Variants in POU6F2 observed in about 807,000 individuals in gnomAD.
POU6F2 encodes POU class 6 homeobox 2.
A neutral mutation model predicts 71.3 loss-of-function variants in POU6F2; 31 were observed. That is an observed-to-expected ratio of 0.43 (90% CI 0.33 to 0.59). The LOEUF is 0.59. Among genes scored for constraint, POU6F2 ranks in the 20% least tolerant of loss-of-function variants. The probability of loss-of-function intolerance (pLI) is 0.04; values close to 1 mark genes in which losing one functional copy is unlikely to be tolerated. For missense variants in POU6F2, 783 were observed against 856.8 expected, an observed-to-expected ratio of 0.91 and a Z score of 1.07; for synonymous variants, 347 against 355.7, an observed-to-expected ratio of 0.98 and a Z score of 0.27.
chr7:39,036,664 A>AT (rs1790071593), intron 1 of POU6F2, among the ~76,000 whole-genome samples: 1 of 143,262 alleles, frequency 7.0e-6, no homozygotes, highest in East Asian at 2.0e-4. Context: ...TCTGACATAG[A>AT]TTTAAAAAAA....
chr7:39,224,717 AC>A (rs1409304339), intron 4 of POU6F2, among the ~76,000 whole-genome samples: 2 of 149,404 alleles, frequency 1.3e-5, no homozygotes, highest in East Asian at 3.9e-4. Flanking sequence ...AAAAACAATT[AC>A]CCCACACCAG....
intron 1 of POU6F2, among the ~76,000 whole-genome samples, chr7:38,995,266 G>T (rs1208202585): frequency 6.6e-6 from 1 of 152,134 alleles, no homozygotes; most frequent in African/African-American, 2.4e-5. Flanking sequence ...AACTTAATTA[G>T]AAAAGATATT....
At chr7:39,452,816 G>A (rs1788693377) in intron 8 of POU6F2, among the ~76,000 whole-genome samples, 1 of 152,212 alleles carries the variant, frequency 6.6e-6, no homozygotes, top group African/African-American at 2.4e-5. Flanking sequence ...AGGTAGGCCG[G>A]GCACAGTGGC....
chr7:39,028,757 T>G (rs1227865247), intron 1 of POU6F2, among the ~76,000 whole-genome samples: 1 of 152,156 alleles, frequency 6.6e-6, no homozygotes, highest in Non-Finnish European at 1.5e-5. Context: ...ATAGTTCTCT[T>G]TGTACAGATA....
At chr7:39,064,578 C>G (rs192568776) in intron 1 of POU6F2, among the ~76,000 whole-genome samples, 14 of 151,646 alleles carry the variant, frequency 9.2e-5, no homozygotes, top group Non-Finnish European at 1.6e-4. Flanking sequence ...AATAATAAAA[C>G]TACAAAAACA....
chr7:39,118,267 CCTT>C (rs750658697), intron 2 of POU6F2, among the ~76,000 whole-genome samples: 19 of 152,026 alleles, frequency 1.2e-4, no homozygotes, highest in Non-Finnish European at 2.6e-4. Flanking sequence ...TTTTTAGTGT[CCTT>C]CTTTTAAATA....
intron 4 of POU6F2, among the ~76,000 whole-genome samples, chr7:39,209,622 T>C (rs1794098286): frequency 6.6e-6 from 1 of 152,102 alleles, no homozygotes; most frequent in South Asian, 2.1e-4. Flanking sequence ...AGGATGGTAA[T>C]CAGGAAAGTC....
rs1789115374 is a variant in POU6F2, at chr7:39,468,133, G to T, written c.*3447G>T. The T allele has an allele frequency of 6.6e-6, 1 of 151,352 alleles. No homozygotes were observed. Among genetic ancestry groups the T allele is most frequent in the Non-Finnish European group, 1.5e-5 (1 of 67,878 alleles). 9.4% of individuals were successfully genotyped at this position (151,352 alleles called of 1,614,324 possible). A position where few individuals can be genotyped will look rare whatever the true frequency, so the allele number is the denominator to read the frequency against. On this transcript the variant is annotated 3_prime_UTR_variant, in exon 10 of 10. Coordinates refer to ENST00000518318, the MANE Select transcript of POU6F2 (RefSeq NM_001370959.1). ...TAATGAGCTTTTTGTCATGTGATTTGCTTGTCTTCAACTTGAAATTATGTG... is the reference window on the plus strand; with the variant it reads ...TAATGAGCTTTTTGTCATGTGATTTTCTTGTCTTCAACTTGAAATTATGTG...
intron 1 of POU6F2, among the ~76,000 whole-genome samples, chr7:39,051,465 T>C (rs568549853): frequency 2.0e-4 from 30 of 152,228 alleles, no homozygotes; most frequent in African/African-American, 7.2e-4. Flanking sequence ...GGCACTGAGG[T>C]ATGTGATAGG....
At chr7:39,015,700 T>TATAACATAGATATA (rs1554308029) in intron 1 of POU6F2, among the ~76,000 whole-genome samples, 7,169 of 84,440 alleles carry the variant, frequency 0.085, 685 homozygotes, top group Non-Finnish European at 0.098. Context: ...CTATATATTA[T>TATAACATAGATATA]ATATATCTAT....
At chr7:39,416,877 A>C (rs1383981514) in intron 6 of POU6F2, among the ~76,000 whole-genome samples, 1 of 152,210 alleles carries the variant, frequency 6.6e-6, no homozygotes, top group Admixed American at 6.5e-5. Flanking sequence ...AATTGAGGAA[A>C]TATGTTATTT....
At chr7:39,065,985 G>GA (rs1005347669) in intron 1 of POU6F2, among the ~76,000 whole-genome samples, 83 of 151,744 alleles carry the variant, frequency 5.5e-4, no homozygotes, top group African/African-American at 1.8e-3. Context: ...CAGAGCAATT[G>GA]AAAAAACTTG....
chr7:39,079,505 A>G (rs1791072468), intron 1 of POU6F2, among the ~76,000 whole-genome samples: 1 of 152,134 alleles, frequency 6.6e-6, no homozygotes, highest in Non-Finnish European at 1.5e-5. Context: ...CACGGGATAT[A>G]GAAAGCCACA....
At chr7:39,160,864 A>C (rs62442231) in intron 2 of POU6F2, among the ~76,000 whole-genome samples, 15,172 of 152,210 alleles carry the variant, frequency 0.1, 940 homozygotes, top group Middle Eastern at 0.14. Context: ...TGACTTGCTA[A>C]GTGAGAGCAT....
At chr7:39,282,042 G>A (rs966988763) in intron 4 of POU6F2, among the ~76,000 whole-genome samples, 1 of 152,044 alleles carries the variant, frequency 6.6e-6, no homozygotes, top group African/African-American at 2.4e-5. Flanking sequence ...CTGATGATTG[G>A]TGATGTTGAG....
chr7:39,425,822 G>A (rs1787955235), intron 6 of POU6F2, among the ~76,000 whole-genome samples: 1 of 152,076 alleles, frequency 6.6e-6, no homozygotes, highest in Non-Finnish European at 1.5e-5. Flanking sequence ...TGTCTTTTCT[G>A]TGTATTATTG....
chr7:39,033,860 T>C (rs995301157), intron 1 of POU6F2, among the ~76,000 whole-genome samples: 5 of 152,216 alleles, frequency 3.3e-5, no homozygotes, highest in Admixed American at 2.6e-4. Flanking sequence ...GGTACTGTTA[T>C]TTGTGTAAAC....
At chr7:39,138,840 A>G (rs1792438666) in intron 2 of POU6F2, among the ~76,000 whole-genome samples, 1 of 152,124 alleles carries the variant, frequency 6.6e-6, no homozygotes, top group Non-Finnish European at 1.5e-5. Context: ...ACAGTGATCT[A>G]ATTGGCACAG....
chr7:38,989,825 G>T (rs201499341), intron 1 of POU6F2, among the ~76,000 whole-genome samples: 28,129 of 107,714 alleles, frequency 0.26, 3,077 homozygotes, highest in Middle Eastern at 0.37. Context: ...GTGTGTGTGT[G>T]TTTGTGTGTG....
Sources: allele counts gnomAD v4.1 joint callset (sites outside exome capture counted in the v4.1 genomes callset), GRCh38; gene constraint gnomAD v4.1.1; transcripts MANE v1.5; gene names NCBI Gene and HGNC (gene_info 2026-07-23, HGNC 2026-07-21).